The following ZZZ3 variants were observed in gnomAD, a reference collection of about 807,000 sequenced individuals.
The protein encoded by ZZZ3 is ZZ-type zinc finger-containing protein 3.
ZZZ3 carries 22 observed loss-of-function variants against 95.2 expected under a neutral mutation model. That is an observed-to-expected ratio of 0.23 (90% CI 0.17 to 0.33). ZZZ3 has a LOEUF of 0.33. Ranked by LOEUF, ZZZ3 falls within the 10% of genes least tolerant of loss-of-function variation. The pLI is 1.00. For synonymous variants in ZZZ3, 335 were observed against 358.9 expected, an observed-to-expected ratio of 0.93 and a Z score of 0.75; for missense variants, 885 against 1,066.5, an observed-to-expected ratio of 0.83 and a Z score of 2.37.
At chr1:77,615,359 A>G (rs1666208321) in intron 5 of ZZZ3, among the ~76,000 whole-genome samples, 1 of 152,274 alleles carries the variant, frequency 6.6e-6, no homozygotes, top group South Asian at 2.1e-4. Flanking sequence ...TTAAACAAGT[A>G]TGACAACGGT....
intron 5 of ZZZ3, among the ~76,000 whole-genome samples, chr1:77,596,274 C>T (rs1187891770): frequency 1.3e-5 from 2 of 152,118 alleles, no homozygotes; most frequent in Non-Finnish European, 2.9e-5. Flanking sequence ...GCTACATATA[C>T]TTTATGATTC....
At chr1:77,611,386 C>T (rs2100732906) in intron 5 of ZZZ3, among the ~76,000 whole-genome samples, 1 of 151,792 alleles carries the variant, frequency 6.6e-6, no homozygotes, top group East Asian at 1.9e-4. Context: ...AGAATTAATA[C>T]TATTAAAATG....
At chr1:77,618,567 G>A (rs1467511218) in intron 5 of ZZZ3, among the ~76,000 whole-genome samples, 2 of 152,084 alleles carry the variant, frequency 1.3e-5, no homozygotes, top group Non-Finnish European at 2.9e-5. Flanking sequence ...ATACTGACAG[G>A]TTATAATTTC....
Position 77,633,035 on chromosome 1 carries a change from C to T in ZZZ3, c.320G>A (p.Arg107Lys), listed in dbSNP as rs373232337. 7 of 1,613,832 alleles carry T rather than the reference C, an allele frequency of 4.3e-6. No homozygotes were observed. Among genetic ancestry groups the T allele is most frequent in the South Asian group, 2.2e-5 (2 of 91,080 alleles). The stretch of plus-strand genomic sequence containing the variant: ...AACTGGTGAAACAGGTTCTGTTTGC[C>T]TTCTCTCACAATTTTCTATAGCCTG... ...ERQAIENCER[R>K]QTEPVSPVLK... The change falls in exon 5 of 15, where the codon AGG becomes AAG. Residue 107 changes from arginine to lysine, a missense_variant. Around this residue, in one of 5 missense-constraint regions of ZZZ3, gnomAD observed 556 missense variants for 652.9 expected, o/e 0.85. Coordinates refer to ENST00000370801, the MANE Select transcript of ZZZ3 (RefSeq NM_015534.6).
chr1:77,576,145 G>T lies in ZZZ3; in HGVS notation c.2254C>A (p.Pro752Thr). Residue 752 changes from proline to threonine, a missense_variant, in exon 12 of 15, where the codon CCG (proline) becomes ACG (threonine). Pro to Thr is a conservative substitution (Grantham distance 38, BLOSUM62 -1). Transcript: ENST00000370801. ...TCATCTTCATCCATATACACTGGCG[G>T]TTCATGTGAAGTCATGAAAGTGGAA... Reference protein sequence around the residue: ...KPSTFMTSHEPPVYMDEDDDR... With the variant: ...KPSTFMTSHETPVYMDEDDDR... 6.2e-7 allele frequency: 1 copy of T among 1,613,384 alleles called. No homozygotes were observed. The highest frequency in any genetic ancestry group is 1.1e-5 in the South Asian group (1 of 90,986).
In ZZZ3 at chr1:77,633,271, T is replaced by C; in HGVS notation, c.84A>G (p.Leu28=). 1 of 1,614,068 alleles carries C rather than the reference T, an allele frequency of 6.2e-7. No individual in the cohort carries two copies. Among genetic ancestry groups the C allele is most frequent in the Non-Finnish European group, 8.5e-7 (1 of 1,179,976 alleles). The change falls in exon 5 of 15, where the codon TTA becomes TTG. Residue 28 remains leucine (L), a synonymous_variant. Coordinates refer to ENST00000370801, the MANE Select transcript of ZZZ3 (RefSeq NM_015534.6). The part of the protein sequence containing the change: ...GLDESFCGRT[L]RNRSIAHPEE... Reference sequence around the variant, plus strand: ...CAGGATGCGCAATGCTACGATTCCTTAAAGTTCTACCACAAAAAGATTCAT... The same window carrying C: ...CAGGATGCGCAATGCTACGATTCCTCAAAGTTCTACCACAAAAAGATTCAT...
At chr1:77,576,717 G>A (rs1023495137) in intron 11 of ZZZ3, among the ~76,000 whole-genome samples, 1 of 151,604 alleles carries the variant, frequency 6.6e-6, no homozygotes, top group Admixed American at 6.6e-5. Context: ...GGGCTACATT[G>A]GAAGAATTGT....
chr1:77,661,479 G>A (rs1409467808), intron 1 of ZZZ3, among the ~76,000 whole-genome samples: 1 of 152,058 alleles, frequency 6.6e-6, no homozygotes, highest in Non-Finnish European at 1.5e-5. Context: ...CCAATGCAAT[G>A]ACTAAAAGGG....
rs772508746 is a variant in ZZZ3 at position 77,568,324 on chromosome 1, G to T, written c.2466+8C>A. The stretch of plus-strand genomic sequence containing the variant: ...ATGAAATGAATCCTAAAATTAAATA[G>T]AACTTACCTTAAAGCCCACATGTTG... On this transcript the variant is annotated splice_region_variant and intron_variant, in intron 13 of 14. Coordinates refer to ENST00000370801, the MANE Select transcript of ZZZ3 (RefSeq NM_015534.6). 1.8e-4 allele frequency: 280 copies of T among 1,570,244 alleles called. 1 individual carries two copies. The highest frequency in any genetic ancestry group is 2.3e-4 in the Non-Finnish European group (263 of 1,163,080).
chr1:77,672,160 G>C (rs1039655616), intron 1 of ZZZ3, among the ~76,000 whole-genome samples: 1 of 152,210 alleles, frequency 6.6e-6, no homozygotes, highest in South Asian at 2.1e-4. Flanking sequence ...ACTGTAAAAT[G>C]AGATTCTGAT....
intron 1 of ZZZ3, among the ~76,000 whole-genome samples, chr1:77,651,096 T>C (rs750249151): frequency 6.6e-6 from 1 of 152,158 alleles, no homozygotes; most frequent in Non-Finnish European, 1.5e-5. Flanking sequence ...AAAATGATAA[T>C]GTTCTTGCTG....
intron 5 of ZZZ3, among the ~76,000 whole-genome samples, chr1:77,619,209 G>A (rs536411106): frequency 3.5e-4 from 53 of 152,164 alleles, no homozygotes; most frequent in African/African-American, 1.3e-3. Flanking sequence ...ATATAACAGA[G>A]GCAAGTTAGT....
intron 4 of ZZZ3, among the ~76,000 whole-genome samples, chr1:77,634,562 G>A (rs1668126504): frequency 6.6e-6 from 1 of 152,148 alleles, no homozygotes; most frequent in Non-Finnish European, 1.5e-5. Context: ...AGCCTCTGAA[G>A]CAAATACTTA....
intron 5 of ZZZ3, among the ~76,000 whole-genome samples, chr1:77,597,404 C>T (rs1664315147): frequency 6.6e-6 from 1 of 152,094 alleles, no homozygotes; most frequent in African/African-American, 2.4e-5. Context: ...GGGAACGCAG[C>T]TCCCCATTCC....
chr1:77,618,867 C>CT (rs1666586888), intron 5 of ZZZ3, among the ~76,000 whole-genome samples: 1 of 152,158 alleles, frequency 6.6e-6, no homozygotes, highest in Admixed American at 6.5e-5. Flanking sequence ...AAAAAATGGT[C>CT]TTTTTCCCCT....
intron 5 of ZZZ3, among the ~76,000 whole-genome samples, chr1:77,589,731 A>G (rs1231359796): frequency 6.6e-6 from 1 of 152,090 alleles, no homozygotes; most frequent in African/African-American, 2.4e-5. Flanking sequence ...AAGTGCTAGG[A>G]TTATAGGCAT....
At chr1:77,673,798 A>T (rs1038250793) in intron 1 of ZZZ3, among the ~76,000 whole-genome samples, 3 of 152,010 alleles carry the variant, frequency 2.0e-5, no homozygotes, top group Non-Finnish European at 4.4e-5. Flanking sequence ...AGTGGCTTAA[A>T]CTTAAATTGG....
chr1:77,619,041 C>T (rs528100180), intron 5 of ZZZ3, among the ~76,000 whole-genome samples: 8 of 152,188 alleles, frequency 5.3e-5, no homozygotes, highest in African/African-American at 1.9e-4. Flanking sequence ...AAAAATTTCA[C>T]AATCATCTAG....
At chr1:77,682,902 A>G (rs1051417847), upstream of ZZZ3, among the ~76,000 whole-genome samples, 3 of 152,190 alleles carry the variant, frequency 2.0e-5, no homozygotes, top group African/African-American at 7.2e-5. Context: ...TACCACGATT[A>G]TACTACATAA....
Sources: allele counts gnomAD v4.1 joint callset (sites outside exome capture counted in the v4.1 genomes callset), GRCh38; gene constraint gnomAD v4.1.1; regional missense constraint gnomAD v4.1.1; transcripts MANE v1.5; gene names NCBI Gene and HGNC (gene_info 2026-07-23, HGNC 2026-07-21).